Variants in RAB7B observed in about 807,000 individuals in gnomAD.
RAB7B encodes the protein RAB7B, member RAS oncogene family, also known as ras-related protein Rab-7b.
rs1367233136 is a variant in RAB7B at position 205,998,446 on chromosome 1, T to G, written c.-16-4295A>C. ...AGAGTTTGAACCCATGGAATCTGTG[T>G]GCACAGGAATCTAGGGCACTGGGCT... On this transcript the variant is annotated intron_variant, in intron 1 of 5. Coordinates refer to ENST00000617070, the MANE Select transcript of RAB7B (RefSeq NM_001164522.3). Among the ~76,000 whole-genome samples, 7 of 152,332 alleles carry G rather than the reference T, an allele frequency of 4.6e-5. No homozygotes were observed. In the South Asian group the frequency reaches 1.4e-3, roughly 32 times the overall value.
rs963353550 is a variant in RAB7B, at chr1:205,999,174, C to T, written c.-17+4079G>A. On this transcript the variant is annotated intron_variant, in intron 1 of 5. Transcript: ENST00000617070. ...TGGGTGAGGGTTTGATGCAGGGAGG[C>T]CAGCGGCGTGCTTAGGAAGGGAAAG... 1.2e-4 allele frequency among the ~76,000 whole-genome samples: 18 copies of T among 152,166 alleles called. No individual in the cohort carries two copies. The East Asian group carries it at 3.3e-3, about 28-fold the overall frequency.
rs1660419736 is a variant in RAB7B at position 205,978,153 on chromosome 1, C to T, written c.*698G>A. The T allele has an allele frequency of 6.6e-6, 1 of 152,084 alleles. No individual in the cohort carries two copies. The highest frequency in any genetic ancestry group is 1.5e-5 in the Non-Finnish European group (1 of 67,990). 9.4% of individuals were successfully genotyped at this position (152,084 alleles called of 1,614,324 possible). On this transcript the variant is annotated 3_prime_UTR_variant, in exon 6 of 6. Transcript: ENST00000617070. ...CAAAACCACACTGTGATACAGGGGGCAAGGCACATCTCACCCCCACAGGAC... is the reference window on the plus strand; with the variant it reads ...CAAAACCACACTGTGATACAGGGGGTAAGGCACATCTCACCCCCACAGGAC...
chr1:205,978,794 G>A lies in RAB7B; in HGVS notation c.*57C>T, dbSNP rs921317712. ...GATGGTCACCTGTTCTCAAGCCTGG[G>A]GTGACCAGGCTCGGGGCAGGCTCTG... On this transcript the variant is annotated 3_prime_UTR_variant, in exon 6 of 6. Transcript: ENST00000617070. 4.5e-5 allele frequency: 18 copies of A among 398,478 alleles called. No homozygotes were observed. Among genetic ancestry groups the A allele is most frequent in the Non-Finnish European group, 6.2e-5 (14 of 226,036 alleles). The allele number at this position is 398,478 out of a possible 1,614,324, so 24.7% of individuals were successfully genotyped here.
At chr1:205,982,664 A>G (rs1306738855) in intron 5 of RAB7B, among the ~76,000 whole-genome samples, 1 of 152,170 alleles carries the variant, frequency 6.6e-6, no homozygotes, top group African/African-American at 2.4e-5. Flanking sequence ...GGTAGAGCTG[A>G]GTATAAAGCC....
At chr1:205,980,119 G>A (rs1660461315) in intron 5 of RAB7B, among the ~76,000 whole-genome samples, 1 of 152,194 alleles carries the variant, frequency 6.6e-6, no homozygotes, top group Non-Finnish European at 1.5e-5. Context: ...GTACCCCGAT[G>A]GCACAGAGCT....
intron 4 of RAB7B, among the ~76,000 whole-genome samples, chr1:205,987,666 A>G (rs1276369256): frequency 1.3e-5 from 2 of 152,274 alleles, no homozygotes; most frequent in Admixed American, 6.5e-5. Context: ...ACCTGAGCAC[A>G]GAGCAAATAA....
chr1:205,977,841 T>A lies in RAB7B; in HGVS notation c.*1010A>T, dbSNP rs1660411895. 1 of 152,268 alleles carries A rather than the reference T, an allele frequency of 6.6e-6. No individual in the cohort carries two copies. 9.4% of individuals were successfully genotyped at this position (152,268 alleles called of 1,614,324 possible). On this transcript the variant is annotated 3_prime_UTR_variant, in exon 6 of 6. Transcript: ENST00000617070. ...TGCCACCTCCTCAGGGAAGCCCTCC[T>A]GGACCACTTCATCTAAAATAGCAAC...
chr1:205,978,565 A>C lies in RAB7B; in HGVS notation c.*286T>G. 3.5e-6 allele frequency: 1 copy of C among 284,978 alleles called. No homozygotes were observed. Among genetic ancestry groups the C allele is most frequent in the Non-Finnish European group, 6.5e-6 (1 of 154,034 alleles). The allele number at this position is 284,978 out of a possible 1,614,324, so 17.7% of individuals were successfully genotyped here. ...TGTTTGAGGGGTGGATGGGTGGGGA[A>C]AGCTGGAGCCACTGCGGAAACGGTG... is the stretch of plus-strand genomic sequence containing the variant. On this transcript the variant is annotated 3_prime_UTR_variant, in exon 6 of 6. Transcript: ENST00000617070.
At chr1:205,998,713 T>C (rs904232566) in intron 1 of RAB7B, among the ~76,000 whole-genome samples, 118 of 152,172 alleles carry the variant, frequency 7.8e-4, no homozygotes, top group African/African-American at 2.6e-3. Flanking sequence ...CTAACATTTG[T>C]TTGGTGGGCA....
At chr1:205,996,973 T>A (rs1660819897) in intron 1 of RAB7B, among the ~76,000 whole-genome samples, 1 of 152,140 alleles carries the variant, frequency 6.6e-6, no homozygotes, top group African/African-American at 2.4e-5. Flanking sequence ...CACATGGGAA[T>A]TACAATTCAG....
rs1026994160 is a variant in RAB7B, at chr1:205,993,504, C to T, written c.96G>A (p.Thr32=). 1.5e-5 allele frequency: 6 copies of T among 398,450 alleles called. No homozygotes were observed. The highest frequency in any genetic ancestry group is 2.2e-5 in the Non-Finnish European group (5 of 226,066). The allele number at this position is 398,450 out of a possible 1,614,324, so 24.7% of individuals were successfully genotyped here. ...GTGTGGTCTGGTATTCCTCATAAAA[C>T]GTCTTGTGCACATATTGGTGAAGGA... is the stretch of plus-strand genomic sequence containing the variant. The part of the protein sequence containing the change: ...TSLLHQYVHK[T]FYEEYQTTLG... The change falls in exon 3 of 6, where the codon ACG becomes ACA. Residue 32 remains threonine (T), a synonymous_variant. Transcript: ENST00000617070.
intron 5 of RAB7B, among the ~76,000 whole-genome samples, chr1:205,982,923 C>G (rs1420864385): frequency 6.6e-6 from 1 of 152,324 alleles, no homozygotes; most frequent in South Asian, 2.1e-4. Flanking sequence ...ACATTCTATG[C>G]CCTAGTTAAG....
chr1:205,988,552 A>G lies in RAB7B; in HGVS notation c.397-2887T>C, dbSNP rs1399883388. Among the ~76,000 whole-genome samples, 10 of 151,958 alleles carry G rather than the reference A, an allele frequency of 6.6e-5. No individual in the cohort carries two copies. In the East Asian group the frequency reaches 1.9e-3, roughly 29 times the overall value. Reference sequence around the variant, plus strand: ...GCCAAACTGCAGTACATTTTTATATACTCATTTTCTTCTTATTAGGTAGGA... The same window carrying G: ...GCCAAACTGCAGTACATTTTTATATGCTCATTTTCTTCTTATTAGGTAGGA... On this transcript the variant is annotated intron_variant, in intron 4 of 5. Transcript: ENST00000617070.
intron 1 of RAB7B, among the ~76,000 whole-genome samples, chr1:205,999,933 G>A (rs1294651602): frequency 6.6e-6 from 1 of 152,224 alleles, no homozygotes; most frequent in Non-Finnish European, 1.5e-5. Context: ...ATGCCAGGCA[G>A]ATTTTTTATT....
At chr1:205,980,713 A>G (rs1660475318) in intron 5 of RAB7B, among the ~76,000 whole-genome samples, 2 of 152,252 alleles carry the variant, frequency 1.3e-5, no homozygotes, top group South Asian at 4.2e-4. Context: ...TCTTTTTCCA[A>G]TTAACCCCAA....
intron 2 of RAB7B, 82 bp from the exon 3 acceptor site, chr1:205,993,628 C>T (rs974849999): frequency 1.0e-5 from 4 of 397,310 alleles, no homozygotes; most frequent in Middle Eastern, 1.2e-3. Flanking sequence ...AGAATCTTCC[C>T]AGGCCCCTCT....
chr1:205,995,561 T>A (rs1391673282), intron 1 of RAB7B, among the ~76,000 whole-genome samples: 2 of 151,654 alleles, frequency 1.3e-5, no homozygotes, highest in African/African-American at 4.9e-5. Flanking sequence ...TGTTCAGCTT[T>A]AAAAAAAAAC....
chr1:206,001,753 G>C (rs1660896219), intron 1 of RAB7B, among the ~76,000 whole-genome samples: 1 of 152,184 alleles, frequency 6.6e-6, no homozygotes, highest in Non-Finnish European at 1.5e-5. Flanking sequence ...TCCTGGTCCT[G>C]CCCATTTGCC....
At chr1:205,984,839 C>T (rs1459447200) in intron 5 of RAB7B, among the ~76,000 whole-genome samples, 7 of 152,118 alleles carry the variant, frequency 4.6e-5, no homozygotes, top group African/African-American at 1.2e-4. Flanking sequence ...ACCTGGCCAT[C>T]AACCTAAACT....
Sources: gnomAD v4.1 joint callset for allele counts (sites outside exome capture counted in the v4.1 genomes callset) on GRCh38, gnomAD v4.1.1 for gene constraint, MANE v1.5 for transcripts, NCBI Gene and HGNC (gene_info 2026-07-23, HGNC 2026-07-21) for gene names.